ZCCHC14: variants seen among roughly 807,000 people sequenced by gnomAD.
ZCCHC14 encodes the protein zinc finger CCHC domain-containing protein 14.
A neutral mutation model predicts 85.0 loss-of-function variants in ZCCHC14; 16 were observed. The observed-to-expected ratio is 0.19, with a 90% CI of 0.13 to 0.29. The LOEUF (loss-of-function observed/expected upper bound fraction) is 0.29. Ranked by LOEUF, ZCCHC14 falls within the 10% of genes least tolerant of loss-of-function variation. ZCCHC14 has a pLI of 1.00. For missense variants in ZCCHC14, 1,303 were observed against 1,443.5 expected (o/e 0.90, Z 1.58); for synonymous variants, 775 against 630.7 (o/e 1.23, Z -3.43).
At chr16:87,469,040 T>G (rs181381197) in intron 1 of ZCCHC14, among the ~76,000 whole-genome samples, 4 of 152,154 alleles carry the variant, frequency 2.6e-5, no homozygotes, top group Non-Finnish European at 5.9e-5. Context: ...TCAAGACACA[T>G]TGTGAGAGAC....
chr16:87,426,953 G>A (rs967310637), intron 3 of ZCCHC14, among the ~76,000 whole-genome samples: 4 of 152,240 alleles, frequency 2.6e-5, no homozygotes, highest in Non-Finnish European at 5.9e-5. Flanking sequence ...CTCAACTAAA[G>A]GCAGGAAGAC....
At chr16:87,471,342 G>GACC (rs1567539725) in intron 1 of ZCCHC14, 1 of 152,196 alleles carries the variant, frequency 6.6e-6, no homozygotes, top group African/African-American at 2.4e-5. Context: ...TGCTGACTTA[G>GACC]ACCAAGTGAA....
intron 1 of ZCCHC14, among the ~76,000 whole-genome samples, chr16:87,484,720 G>A (rs1912436683): frequency 1.3e-5 from 2 of 152,174 alleles, no homozygotes; most frequent in Non-Finnish European, 2.9e-5. Context: ...AGAGAAGAGG[G>A]GCTGGTAGAG....
Position 87,408,922 on chromosome 16 carries a change from T to C in ZCCHC14, c.*1358A>G, listed in dbSNP as rs896672680. 2.0e-5 allele frequency: 3 copies of C among 152,688 alleles called. No homozygotes were observed. The highest frequency in any genetic ancestry group is 4.4e-5 in the Non-Finnish European group (3 of 68,044). 9.5% of individuals were successfully genotyped at this position (152,688 alleles called of 1,614,324 possible). ...ATCAGTATTTTAACATTGAAGACTT[T>C]AGCATTTTCGATAAGAGTATTATTT... On this transcript the variant is annotated 3_prime_UTR_variant, in exon 13 of 13. Transcript: ENST00000671377.
chr16:87,427,738 A>G (rs1909447313), intron 3 of ZCCHC14, among the ~76,000 whole-genome samples: 1 of 152,106 alleles, frequency 6.6e-6, no homozygotes, highest in Admixed American at 6.6e-5. Context: ...CCCAGGCTCA[A>G]GTGATCCTCC....
chr16:87,428,835 C>G (rs527736154), intron 3 of ZCCHC14, among the ~76,000 whole-genome samples: 1 of 152,348 alleles, frequency 6.6e-6, no homozygotes, highest in South Asian at 2.1e-4. Context: ...TCACACAACA[C>G]GAGATTCGTG....
At chr16:87,442,334 C>G (rs926667691) in intron 2 of ZCCHC14, among the ~76,000 whole-genome samples, 1 of 152,170 alleles carries the variant, frequency 6.6e-6, no homozygotes, top group African/African-American at 2.4e-5. Flanking sequence ...TCAACTGCAC[C>G]AAACCAAAAG....
In ZCCHC14 at chr16:87,414,499, C is replaced by G. The variant is rs879317754; in HGVS notation, c.1518G>C (p.Pro506=). 1.2e-6 allele frequency: 2 copies of G among 1,613,076 alleles called. No homozygotes were observed. Among genetic ancestry groups the G allele is most frequent in the African/African-American group, 2.7e-5 (2 of 75,066 alleles). The change falls in exon 10 of 13, where the codon CCG becomes CCC. Residue 506 remains proline, a synonymous_variant. Coordinates refer to ENST00000671377, the MANE Select transcript of ZCCHC14 (RefSeq NM_015144.3). The part of the protein sequence containing the change: ...ERRCLNPSAP[P]LVTSSGVARV... ...GAGCCACACCACTGCTGGTGACCAG[C>G]GGCGGGGCCGAGGGGTTCAGGCACC... is the stretch of plus-strand genomic sequence containing the variant.
intron 2 of ZCCHC14, among the ~76,000 whole-genome samples, chr16:87,454,936 C>T (rs926628998): frequency 1.3e-5 from 2 of 152,220 alleles, no homozygotes; most frequent in Admixed American, 6.5e-5. Flanking sequence ...AGCATAAATG[C>T]TCTGCCACGG....
rs766547110 is a variant in ZCCHC14, at chr16:87,492,907, C to CGCGGCGGCGGCGGCG, written c.-684_-670dup. Among the ~76,000 whole-genome samples the CGCGGCGGCGGCGGCG allele has an allele frequency of 6.8e-6, 1 of 147,986 alleles. No homozygotes were observed. Among genetic ancestry groups the CGCGGCGGCGGCGGCG allele is most frequent in the African/African-American group, 2.5e-5 (1 of 40,512 alleles). ...CGCGGCGGACGGATCCGGGCCCGAGCGCGGCGGCGGCGGCGACGGCGACGG... is the reference window on the plus strand; with the variant it reads ...CGCGGCGGACGGATCCGGGCCCGAGCGCGGCGGCGGCGGCGGCGGCGGCGGCGGCGACGGCGACGG... On this transcript the variant is annotated 5_prime_UTR_variant, in exon 1 of 13. Transcript: ENST00000671377. This position sits in a 1 kb window ranked among gnomAD's most constrained non-coding sequence, Gnocchi z 6.7.
chr16:87,477,715 G>T (rs1567542604), intron 1 of ZCCHC14, among the ~76,000 whole-genome samples: 8 of 152,132 alleles, frequency 5.3e-5, no homozygotes, highest in South Asian at 4.1e-4. Flanking sequence ...TGAAATACAT[G>T]CGACACCCTC....
At chr16:87,435,535 T>C (rs932409879) in intron 2 of ZCCHC14, among the ~76,000 whole-genome samples, 3 of 152,244 alleles carry the variant, frequency 2.0e-5, no homozygotes, top group African/African-American at 4.8e-5. Flanking sequence ...ACTCCCTGTA[T>C]CTGCAGAATG....
intron 1 of ZCCHC14, among the ~76,000 whole-genome samples, chr16:87,461,232 G>A (rs1397019480): frequency 1.3e-5 from 2 of 152,218 alleles, no homozygotes; most frequent in African/African-American, 4.8e-5. Context: ...GTTCAGTGAT[G>A]GTGTGAATGT....
chr16:87,424,470 A>C (rs569006809), intron 3 of ZCCHC14, among the ~76,000 whole-genome samples: 10 of 152,214 alleles, frequency 6.6e-5, no homozygotes, highest in Middle Eastern at 3.4e-3. Flanking sequence ...TTTCTGGAGG[A>C]GATTCTGCAA....
At chr16:87,429,067 C>A (rs1909518397) in intron 3 of ZCCHC14, among the ~76,000 whole-genome samples, 1 of 152,194 alleles carries the variant, frequency 6.6e-6, no homozygotes, top group African/African-American at 2.4e-5. Context: ...AGGGTAAATA[C>A]CTAGGCTGGA....
chr16:87,450,606 T>A (rs1473823072), intron 2 of ZCCHC14, among the ~76,000 whole-genome samples: 1 of 150,592 alleles, frequency 6.6e-6, no homozygotes, highest in Non-Finnish European at 1.5e-5. Flanking sequence ...CTTTCACTCC[T>A]GTTGCCCAGA....
chr16:87,481,392 G>C (rs1912258478), intron 1 of ZCCHC14, among the ~76,000 whole-genome samples: 1 of 151,856 alleles, frequency 6.6e-6, no homozygotes, highest in African/African-American at 2.4e-5. Flanking sequence ...GGCTAGGCTG[G>C]GGCCATGCTG....
At chr16:87,488,721 G>A (rs919780360) in intron 1 of ZCCHC14, among the ~76,000 whole-genome samples, 4 of 152,154 alleles carry the variant, frequency 2.6e-5, no homozygotes, top group Non-Finnish European at 4.4e-5. Flanking sequence ...GGGACTACAA[G>A]TGTGTGCCAC....
At chr16:87,416,583 T>C (rs1908793796) in intron 8 of ZCCHC14, among the ~76,000 whole-genome samples, 1 of 152,002 alleles carries the variant, frequency 6.6e-6, no homozygotes, top group African/African-American at 2.4e-5. Context: ...AGGGAAACCC[T>C]GATTCTACTA....
Sources: gnomAD v4.1 joint callset for allele counts (sites outside exome capture counted in the v4.1 genomes callset) on GRCh38, gnomAD v4.1.1 for gene constraint, Gnocchi (gnomAD v3.1) non-coding constraint, MANE v1.5 for transcripts, NCBI Gene and HGNC (gene_info 2026-07-23, HGNC 2026-07-21) for gene names.